Variants in GRM7 observed in about 807,000 individuals in gnomAD.
GRM7 encodes metabotropic glutamate receptor 7.
Under a neutral mutation model 84.5 loss-of-function variants are expected in GRM7, and 35 were observed. The observed-to-expected ratio is 0.41, with a 90% CI of 0.32 to 0.55. The LOEUF (loss-of-function observed/expected upper bound fraction) is 0.55. Ranked by LOEUF, GRM7 falls within the 20% of genes least tolerant of loss-of-function variation. The pLI, the probability that GRM7 is intolerant of heterozygous loss-of-function variation, is 0.19. For synonymous variants in GRM7, 487 were observed against 455.1 expected (o/e 1.07, Z -0.89); for missense variants, 1,003 against 1,194.6 (o/e 0.84, Z 2.36).
At position 7,082,558 on chromosome 3, in the gene GRM7, C is replaced by G. The variant is rs1377377886; in HGVS notation, c.520-63894C>G. On this transcript the variant is annotated intron_variant, in intron 1 of 9. Transcript: ENST00000357716. Reference sequence around the variant, plus strand: ...TGGACCAAGGAGTAATTTTGACTTTCCAGTGTTATTATTTAAGACTTATTT... The same window carrying G: ...TGGACCAAGGAGTAATTTTGACTTTGCAGTGTTATTATTTAAGACTTATTT... 6.6e-5 allele frequency among the ~76,000 whole-genome samples: 10 copies of G among 152,148 alleles called. No individual in the cohort carries two copies. The South Asian group carries it at 1.7e-3, about 25-fold the overall frequency.
chr3:6,896,603 G>T (rs1050527628), intron 1 of GRM7, among the ~76,000 whole-genome samples: 6 of 152,162 alleles, frequency 3.9e-5, no homozygotes, highest in African/African-American at 1.4e-4. Context: ...GCATTTAGGA[G>T]ATGTTCAATA....
chr3:7,311,858 G>C (rs1017946287), intron 4 of GRM7, among the ~76,000 whole-genome samples: 1 of 152,140 alleles, frequency 6.6e-6, no homozygotes, highest in Non-Finnish European at 1.5e-5. Context: ...GCCTCCCAAA[G>C]TGTTAGGATT....
chr3:7,726,341 T>C (rs1702126030), intron 9 of GRM7, among the ~76,000 whole-genome samples: 1 of 152,032 alleles, frequency 6.6e-6, no homozygotes, highest in East Asian at 1.9e-4. Flanking sequence ...GTCACTGTCA[T>C]CTACCTATAT....
intron 7 of GRM7, among the ~76,000 whole-genome samples, chr3:7,467,245 A>T (rs1416151540): frequency 1.3e-5 from 2 of 151,970 alleles, no homozygotes; most frequent in Non-Finnish European, 2.9e-5. Flanking sequence ...GTGCCACCAC[A>T]CCCAGCTAAT....
At chr3:7,251,422 T>C (rs1182904765) in intron 2 of GRM7, among the ~76,000 whole-genome samples, 1 of 152,168 alleles carries the variant, frequency 6.6e-6, no homozygotes, top group African/African-American at 2.4e-5. Context: ...TGTTACTTTT[T>C]TTTCACAAAA....
intron 5 of GRM7, among the ~76,000 whole-genome samples, chr3:7,417,402 C>A (rs1696210458): frequency 6.6e-6 from 1 of 151,984 alleles, no homozygotes; most frequent in South Asian, 2.1e-4. Context: ...TTTCCAAATC[C>A]AACCATATGT....
intron 7 of GRM7, among the ~76,000 whole-genome samples, chr3:7,516,998 G>A (rs1305570059): frequency 6.6e-6 from 1 of 152,082 alleles, no homozygotes; most frequent in Non-Finnish European, 1.5e-5. Context: ...TCTCTCTGCT[G>A]CCCCGCTCCC....
At chr3:6,888,695 G>A (rs557416473) in intron 1 of GRM7, among the ~76,000 whole-genome samples, 3 of 152,078 alleles carry the variant, frequency 2.0e-5, no homozygotes, top group African/African-American at 4.8e-5. Context: ...TTTTGGCTTA[G>A]GATTGACTTG....
chr3:7,430,493 G>A (rs1176203193), intron 5 of GRM7, among the ~76,000 whole-genome samples: 1 of 152,218 alleles, frequency 6.6e-6, no homozygotes, highest in Non-Finnish European at 1.5e-5. Flanking sequence ...AGATATGGAG[G>A]AGCCAGCACT....
chr3:6,866,973 C>A (rs1024878372), intron 1 of GRM7, among the ~76,000 whole-genome samples: 1 of 152,110 alleles, frequency 6.6e-6, no homozygotes, highest in African/African-American at 2.4e-5. Context: ...CTCCCAGTGG[C>A]CATCCAACAC....
At chr3:6,898,024 T>C (rs1412186244) in intron 1 of GRM7, among the ~76,000 whole-genome samples, 1 of 152,168 alleles carries the variant, frequency 6.6e-6, no homozygotes, top group East Asian at 1.9e-4. Flanking sequence ...TTTCACCTTT[T>C]CTCTCATCTC....
chr3:7,388,871 A>G (rs1301953432), intron 4 of GRM7, among the ~76,000 whole-genome samples: 1 of 152,052 alleles, frequency 6.6e-6, no homozygotes, highest in African/African-American at 2.4e-5. Context: ...TATGGTCACA[A>G]TTCCATTTAG....
chr3:7,534,754 G>A (rs1701177571), intron 7 of GRM7, among the ~76,000 whole-genome samples: 1 of 152,064 alleles, frequency 6.6e-6, no homozygotes, highest in Admixed American at 6.6e-5. Flanking sequence ...TCTAGTTGTT[G>A]GCAATATGAC....
intron 9 of GRM7, among the ~76,000 whole-genome samples, chr3:7,693,384 T>C (rs1229721487): frequency 1.3e-5 from 2 of 151,406 alleles, no homozygotes; most frequent in African/African-American, 2.4e-5. Context: ...CCTCATCACC[T>C]GCTCCTCTCT....
At chr3:7,378,012 G>A (rs770223159) in intron 4 of GRM7, among the ~76,000 whole-genome samples, 93 of 152,142 alleles carry the variant, frequency 6.1e-4, no homozygotes, top group Non-Finnish European at 1.1e-3. Flanking sequence ...TCTGTCCCCC[G>A]CTAGGAAGTC....
At chr3:7,542,396 G>A (rs1171159442) in intron 7 of GRM7, among the ~76,000 whole-genome samples, 2 of 152,050 alleles carry the variant, frequency 1.3e-5, no homozygotes. Context: ...CACTTCCATG[G>A]ACTTCCTATA....
chr3:6,974,433 G>A (rs1271629418), intron 1 of GRM7, among the ~76,000 whole-genome samples: 1 of 152,198 alleles, frequency 6.6e-6, no homozygotes, highest in African/African-American at 2.4e-5. Flanking sequence ...TGCTTTTGTT[G>A]AGATGTTGTT....
chr3:7,141,749 A>C (rs962914875), intron 1 of GRM7, among the ~76,000 whole-genome samples: 1 of 152,086 alleles, frequency 6.6e-6, no homozygotes, highest in African/African-American at 2.4e-5. Flanking sequence ...AAAATCAAAT[A>C]GTAGAAGATA....
intron 2 of GRM7, among the ~76,000 whole-genome samples, chr3:7,266,222 G>A (rs778287503): frequency 6.6e-6 from 1 of 152,168 alleles, no homozygotes; most frequent in Non-Finnish European, 1.5e-5. Context: ...CCCAAGTACA[G>A]GTTCAAGCCA....
Sources: allele counts gnomAD v4.1 joint callset (sites outside exome capture counted in the v4.1 genomes callset), GRCh38; gene constraint gnomAD v4.1.1; transcripts MANE v1.5; gene names NCBI Gene and HGNC (gene_info 2026-07-23, HGNC 2026-07-21).